The following PALS1 variants were observed in gnomAD, a reference collection of about 807,000 sequenced individuals.
The protein encoded by PALS1 is protein associated with LIN7 1, MAGUK p55 family member.
In PALS1, 31 loss-of-function variants were observed where a neutral mutation model predicts 78.9. The ratio of observed to expected loss-of-function variants is 0.39; its 90% CI spans 0.30 to 0.53. The LOEUF (loss-of-function observed/expected upper bound fraction) is 0.53, where lower values mean the gene tolerates loss of function less well. PALS1 is among the 20% of genes least tolerant of loss of function. PALS1 has a pLI of 0.67. For synonymous variants in PALS1, 276 were observed against 270.9 expected (o/e 1.02, Z -0.18); for missense variants, 704 against 826.5 (o/e 0.85, Z 1.82).
intron 4 of PALS1, among the ~76,000 whole-genome samples, chr14:67,300,396 C>A (rs1350042314): frequency 6.8e-6 from 1 of 146,816 alleles, no homozygotes; most frequent in African/African-American, 2.6e-5. Context: ...GGCGCCATCT[C>A]AGCTCACTGC....
In PALS1 at chr14:67,335,773, T is replaced by C. The variant is rs2085522631; in HGVS notation, c.*2817T>C. The C allele has an allele frequency of 6.6e-6, 1 of 152,660 alleles. No individual in the cohort carries two copies. The highest frequency in any genetic ancestry group is 6.5e-5 in the Admixed American group (1 of 15,284). 9.5% of individuals were successfully genotyped at this position (152,660 alleles called of 1,614,324 possible). A position where few individuals can be genotyped will look rare whatever the true frequency, so the allele number is the denominator to read the frequency against. ...TTTTGAGATGTCATACTGTACACTG[T>C]ATTGTAAAAATAAAAAGTAAAATTA... On this transcript the variant is annotated 3_prime_UTR_variant, in exon 15 of 15. Coordinates refer to ENST00000261681, the MANE Select transcript of PALS1 (RefSeq NM_022474.4).
chr14:67,242,406 G>T (rs577993635), intron 1 of PALS1, among the ~76,000 whole-genome samples: 2 of 152,226 alleles, frequency 1.3e-5, no homozygotes, highest in South Asian at 4.1e-4. Context: ...TTGAAATTTT[G>T]ATTTGACTGA....
At chr14:67,273,170 G>A (rs1047882667) in intron 2 of PALS1, among the ~76,000 whole-genome samples, 2 of 151,112 alleles carry the variant, frequency 1.3e-5, no homozygotes, top group Non-Finnish European at 2.9e-5. Context: ...ACAACGTGCA[G>A]GTTTCTTACA....
chr14:67,280,220 A>G (rs548763634), intron 3 of PALS1, among the ~76,000 whole-genome samples: 1 of 152,338 alleles, frequency 6.6e-6, no homozygotes, highest in South Asian at 2.1e-4. Context: ...AGAGATTGAT[A>G]TCAAATGCAT....
At chr14:67,320,561 CATT>C (rs1222390419) in intron 12 of PALS1, among the ~76,000 whole-genome samples, 164 bp downstream of exon 12, 2 of 152,086 alleles carry the variant, frequency 1.3e-5, no homozygotes, top group Non-Finnish European at 2.9e-5. Context: ...TAAAAATAGT[CATT>C]ATTAAGAAAT....
chr14:67,272,568 T>C (rs8015454), intron 2 of PALS1, among the ~76,000 whole-genome samples: 17,559 of 152,200 alleles, frequency 0.12, 1,687 homozygotes, highest in African/African-American at 0.27. Context: ...CTATGACTTC[T>C]TTCTCCTCCT....
chr14:67,295,910 T>TGTTC (rs2084840733), intron 4 of PALS1, among the ~76,000 whole-genome samples: 1 of 152,106 alleles, frequency 6.6e-6, no homozygotes, highest in Non-Finnish European at 1.5e-5. Flanking sequence ...TAAAAACAGA[T>TGTTC]GTTCATAGCA....
chr14:67,269,163 G>A (rs886585097), intron 1 of PALS1, among the ~76,000 whole-genome samples: 1 of 152,118 alleles, frequency 6.6e-6, no homozygotes, highest in Admixed American at 6.6e-5. Context: ...TTTAAATCCT[G>A]TTTGTAGGGT....
chr14:67,290,103 A>G (rs892767289), intron 3 of PALS1, among the ~76,000 whole-genome samples: 5 of 152,058 alleles, frequency 3.3e-5, no homozygotes, highest in East Asian at 1.9e-4. Flanking sequence ...CTTTGACTGT[A>G]TAAGTCCTTG....
chr14:67,276,667 C>G (rs1052242056), intron 2 of PALS1, among the ~76,000 whole-genome samples: 2 of 152,160 alleles, frequency 1.3e-5, no homozygotes, highest in African/African-American at 2.4e-5. Context: ...TCTTTGCTTT[C>G]TCTCCCAGTA....
At chr14:67,302,168 T>G (rs758818794) in intron 6 of PALS1, 50 bp downstream of exon 6, 7 of 1,527,524 alleles carry the variant, frequency 4.6e-6, no homozygotes, top group Non-Finnish European at 5.3e-6. Context: ...TCTGCTGTTG[T>G]GTGCTTCAAA....
intron 1 of PALS1, among the ~76,000 whole-genome samples, chr14:67,244,102 A>G (rs1269752525): frequency 1.3e-5 from 2 of 152,196 alleles, no homozygotes; most frequent in Admixed American, 1.3e-4. Context: ...TCTTTCTGTC[A>G]TGGATTTTTT....
At chr14:67,274,872 C>G (rs1418352692) in intron 2 of PALS1, among the ~76,000 whole-genome samples, 1 of 152,094 alleles carries the variant, frequency 6.6e-6, no homozygotes, top group Non-Finnish European at 1.5e-5. Flanking sequence ...GTATTTTATT[C>G]TCTTTGTAGC....
In PALS1 at chr14:67,248,852, G is replaced by GT. The variant is rs200125027; in HGVS notation, c.-237+7320dup. On this transcript the variant is annotated intron_variant, in intron 1 of 14. Transcript: ENST00000261681. ...TTTATTTTTTTGAGATAGAGATGGG[G>GT]TCTCACTGTGTTGCTCAGGCTGGTC... 3.4e-4 allele frequency among the ~76,000 whole-genome samples: 51 copies of GT among 152,146 alleles called. No homozygotes were observed. The Middle Eastern group carries it at 0.014, about 41-fold the overall frequency.
At chr14:67,263,842 A>G (rs1399739868) in intron 1 of PALS1, among the ~76,000 whole-genome samples, 2 of 144,228 alleles carry the variant, frequency 1.4e-5, no homozygotes, top group Non-Finnish European at 2.9e-5. Flanking sequence ...TTACTCAACC[A>G]TTTAAATAAT....
chr14:67,266,887 A>T (rs1045597799), intron 1 of PALS1, among the ~76,000 whole-genome samples: 2 of 152,036 alleles, frequency 1.3e-5, no homozygotes, highest in Non-Finnish European at 2.9e-5. Flanking sequence ...AGGTGGACAG[A>T]TCACTTGAGC....
At chr14:67,329,555 C>T (rs1323601374) in intron 14 of PALS1, among the ~76,000 whole-genome samples, 1 of 152,082 alleles carries the variant, frequency 6.6e-6, no homozygotes, top group East Asian at 1.9e-4. Context: ...TGTCTTGCGC[C>T]AGTTTTCAAA....
intron 1 of PALS1, among the ~76,000 whole-genome samples, chr14:67,252,825 CTG>C (rs2084086611): frequency 6.6e-6 from 1 of 152,190 alleles, no homozygotes; most frequent in African/African-American, 2.4e-5. Context: ...ATATTAGAGA[CTG>C]TTCTGTTCTA....
intron 1 of PALS1, among the ~76,000 whole-genome samples, chr14:67,254,766 G>A (rs927915024): frequency 1.3e-5 from 2 of 152,164 alleles, no homozygotes; most frequent in African/African-American, 4.8e-5. Flanking sequence ...ATACCAATAA[G>A]CGATCTAGGT....
Sources: gnomAD v4.1 joint callset for allele counts (sites outside exome capture counted in the v4.1 genomes callset) on GRCh38, gnomAD v4.1.1 for gene constraint, MANE v1.5 for transcripts, NCBI Gene and HGNC (gene_info 2026-07-23, HGNC 2026-07-21) for gene names.